Variants in CHPT1 observed in about 807,000 individuals in gnomAD.
CHPT1 encodes cholinephosphotransferase 1.
In CHPT1, 36 loss-of-function variants were observed where a neutral mutation model predicts 47.6. The ratio of observed to expected loss-of-function variants is 0.76; its 90% CI spans 0.58 to 1.00. CHPT1 has a LOEUF of 1.00. Ranked by LOEUF, CHPT1 falls within the 50% of genes least tolerant of loss-of-function variation. The probability of loss-of-function intolerance (pLI) is 0.00; values close to 1 mark genes in which losing one functional copy is unlikely to be tolerated. For missense variants in CHPT1, 458 were observed against 498.1 expected (o/e 0.92, Z 0.77); for synonymous variants, 194 against 186.3 (o/e 1.04, Z -0.33).
At chr12:101,703,977 T>G (rs1001258753) in intron 1 of CHPT1, among the ~76,000 whole-genome samples, 8 of 152,234 alleles carry the variant, frequency 5.3e-5, no homozygotes, top group African/African-American at 1.9e-4. Context: ...TCGCATTACA[T>G]GTTTTTCACA....
intron 1 of CHPT1, among the ~76,000 whole-genome samples, chr12:101,713,313 A>G (rs1221745141): frequency 1.3e-5 from 2 of 152,300 alleles, no homozygotes; most frequent in East Asian, 3.9e-4. Context: ...TCAGGCACAG[A>G]TGAGTTCTCA....
chr12:101,712,994 A>AT (rs1951716434), intron 1 of CHPT1, among the ~76,000 whole-genome samples: 1 of 148,320 alleles, frequency 6.7e-6, no homozygotes, highest in African/African-American at 2.4e-5. Flanking sequence ...GGGATACTAG[A>AT]TTTTTTTCCC....
intron 1 of CHPT1, among the ~76,000 whole-genome samples, chr12:101,704,658 C>T (rs2137002128): frequency 7.0e-6 from 1 of 142,144 alleles, no homozygotes; most frequent in African/African-American, 2.6e-5. Context: ...ACCTCAGCCT[C>T]CCAAAGTGCT....
intron 1 of CHPT1, 81 bp from the exon 2 acceptor site, chr12:101,714,009 A>C: frequency 2.4e-6 from 2 of 838,604 alleles, no homozygotes; most frequent in Non-Finnish European, 1.9e-6. Flanking sequence ...GGGTGCTACA[A>C]AGTGTGAAGC....
At chr12:101,714,685 T>A (rs370482082) in intron 3 of CHPT1, 40 bp downstream of exon 3, 8 of 1,558,852 alleles carry the variant, frequency 5.1e-6, no homozygotes, top group Non-Finnish European at 6.9e-6. Context: ...AAAATATAAT[T>A]GAATTCATTT....
In CHPT1 at chr12:101,698,095, G is replaced by A. The variant is rs753529592; in HGVS notation, c.234G>A (p.Thr78=). Reference sequence around the variant, plus strand: ...GGCTCGCCGTCAACGTGGTCACCACGCTCGTGCTCATCTCCTACTGTCCCA... The same window carrying A: ...GGCTCGCCGTCAACGTGGTCACCACACTCGTGCTCATCTCCTACTGTCCCA... ...LLGLAVNVVT[T]LVLISYCPTA... The change falls in exon 1 of 9, where the codon ACG becomes ACA. Residue 78 remains threonine (T), a synonymous_variant. Coordinates refer to ENST00000229266, the MANE Select transcript of CHPT1 (RefSeq NM_020244.3). 1.3e-5 allele frequency: 20 copies of A among 1,558,232 alleles called. No individual in the cohort carries two copies. Among genetic ancestry groups the A allele is most frequent in the Non-Finnish European group, 1.7e-5 (20 of 1,160,166 alleles).
chr12:101,700,298 T>G (rs1472821860), intron 1 of CHPT1, among the ~76,000 whole-genome samples: 1 of 145,304 alleles, frequency 6.9e-6, no homozygotes, highest in Non-Finnish European at 1.5e-5. Flanking sequence ...TTATGATTAA[T>G]TAGTTTTTAG....
Position 101,729,014 on chromosome 12 carries a change from T to C in CHPT1, c.*69T>C. ...TGGAAGGAGATATTAAACATTTGTTTAATTTTTATTTAAGTGTTATACCTA... is the reference window on the plus strand; with the variant it reads ...TGGAAGGAGATATTAAACATTTGTTCAATTTTTATTTAAGTGTTATACCTA... On this transcript the variant is annotated 3_prime_UTR_variant, in exon 9 of 9. Transcript: ENST00000229266. 1 of 1,613,084 alleles carries C rather than the reference T, an allele frequency of 6.2e-7. No homozygotes were observed. The highest frequency in any genetic ancestry group is 8.5e-7 in the Non-Finnish European group (1 of 1,179,316).
chr12:101,708,337 G>GT (rs914560762), intron 1 of CHPT1, among the ~76,000 whole-genome samples: 58 of 149,372 alleles, frequency 3.9e-4, no homozygotes, highest in African/African-American at 8.8e-4. Context: ...TAATCAGTGG[G>GT]TTTTTTTTTA....
At chr12:101,721,695 CAT>C (rs958325140) in intron 5 of CHPT1, among the ~76,000 whole-genome samples, 5 of 152,142 alleles carry the variant, frequency 3.3e-5, no homozygotes, top group Admixed American at 3.3e-4. Flanking sequence ...TGGATGATAA[CAT>C]AGAACAATAG....
intron 1 of CHPT1, among the ~76,000 whole-genome samples, chr12:101,701,055 C>T (rs1248666215): frequency 6.6e-6 from 1 of 152,134 alleles, no homozygotes; most frequent in Non-Finnish European, 1.5e-5. Flanking sequence ...CGTTTTTAAG[C>T]ATGATGCTAA....
At chr12:101,718,199 A>G (rs759816268) in intron 4 of CHPT1, among the ~76,000 whole-genome samples, 1 of 152,226 alleles carries the variant, frequency 6.6e-6, no homozygotes, top group Non-Finnish European at 1.5e-5. Context: ...AATGGTGGCT[A>G]CATGTCATTA....
intron 4 of CHPT1, chr12:101,717,447 GAATAAT>G: frequency 3.0e-6 from 1 of 338,668 alleles, no homozygotes; most frequent in Admixed American, 3.8e-5. Flanking sequence ...ATAGTGTTAA[GAATAAT>G]AATAATAAGG....
intron 1 of CHPT1, among the ~76,000 whole-genome samples, chr12:101,711,173 A>G (rs1294035910): frequency 6.7e-6 from 1 of 148,604 alleles, no homozygotes; most frequent in Non-Finnish European, 1.5e-5. Context: ...TATAAGAACA[A>G]AAACTGTAAA....
intron 8 of CHPT1, chr12:101,728,201 G>C (rs938121161): frequency 1.3e-5 from 2 of 152,412 alleles, no homozygotes; most frequent in Non-Finnish European, 2.9e-5. Context: ...AGTGAGCTGA[G>C]ATTACTCCAC....
At chr12:101,700,617 G>A (rs549029528) in intron 1 of CHPT1, among the ~76,000 whole-genome samples, 4 of 152,300 alleles carry the variant, frequency 2.6e-5, no homozygotes, top group African/African-American at 9.6e-5. Flanking sequence ...GTAGGATTCA[G>A]ATCTAAGTTG....
chr12:101,711,587 G>A (rs1388431282), intron 1 of CHPT1, among the ~76,000 whole-genome samples: 1 of 148,326 alleles, frequency 6.7e-6, no homozygotes, highest in Non-Finnish European at 1.5e-5. Context: ...TTTGCAAGAT[G>A]AGCAGGTCTA....
At chr12:101,724,080 G>A (rs922078561) in intron 7 of CHPT1, among the ~76,000 whole-genome samples, 11 of 152,124 alleles carry the variant, frequency 7.2e-5, no homozygotes, top group African/African-American at 2.6e-4. Flanking sequence ...TTAGCCAGGC[G>A]TGGTGGTGCA....
In CHPT1 at chr12:101,728,995, G is replaced by A; in HGVS notation, c.*50G>A. 1 of 1,613,434 alleles carries A rather than the reference G, an allele frequency of 6.2e-7. No individual in the cohort carries two copies. The highest frequency in any genetic ancestry group is 8.5e-7 in the Non-Finnish European group (1 of 1,179,662). ...TCTTGCTGCTGCTGTTTCATGGAAG[G>A]AGATATTAAACATTTGTTTAATTTT... On this transcript the variant is annotated 3_prime_UTR_variant, in exon 9 of 9. Coordinates refer to ENST00000229266, the MANE Select transcript of CHPT1 (RefSeq NM_020244.3).
Sources: gnomAD v4.1 joint callset for allele counts (sites outside exome capture counted in the v4.1 genomes callset) on GRCh38, gnomAD v4.1.1 for gene constraint, MANE v1.5 for transcripts, NCBI Gene and HGNC (gene_info 2026-07-23, HGNC 2026-07-21) for gene names.